The following SKIC3 variants were observed in gnomAD, a reference collection of about 807,000 sequenced individuals.
SKIC3 encodes SKI3 subunit of superkiller complex.
chr5:95,499,786 A>G, the SKIC3 span, among the ~76,000 whole-genome samples: 1 of 152,200 alleles, frequency 6.6e-6, no homozygotes. Context: ...ACTATACTCC[A>G]AACGAGTATT....
At chr5:95,479,774 G>A in the SKIC3 span, among the ~76,000 whole-genome samples, 4 of 151,306 alleles carry the variant, frequency 2.6e-5, no homozygotes, top group African/African-American at 9.7e-5. Context: ...CATCTCCCCC[G>A]CAGATAAGGT....
At chr5:95,468,733 G>T in the SKIC3 span, among the ~76,000 whole-genome samples, 1 of 152,142 alleles carries the variant, frequency 6.6e-6, no homozygotes, top group Non-Finnish European at 1.5e-5. Context: ...TAAGCACGTT[G>T]TTATTTTTCT....
chr5:95,546,902 C>T, the SKIC3 span: 3 of 690,714 alleles, frequency 4.3e-6, no homozygotes, highest in Non-Finnish European at 7.5e-6. Flanking sequence ...GTAGTTTATC[C>T]TGCTAACTAG....
the SKIC3 span, among the ~76,000 whole-genome samples, chr5:95,486,934 C>A: frequency 6.6e-6 from 1 of 152,148 alleles, no homozygotes; most frequent in Non-Finnish European, 1.5e-5. Flanking sequence ...ATGGTTAATA[C>A]TGAGTGTCAA....
chr5:95,492,681 A>AC, the SKIC3 span, among the ~76,000 whole-genome samples: 2 of 140,788 alleles, frequency 1.4e-5, no homozygotes, highest in African/African-American at 2.7e-5. Flanking sequence ...AAAAAAAAAA[A>AC]AAAAAAAACA....
chr5:95,514,751 T>C, the SKIC3 span: 1 of 1,176,754 alleles, frequency 8.5e-7, no homozygotes, highest in African/African-American at 1.5e-5. Flanking sequence ...TGGCACAAAG[T>C]AAGCCCTCAA....
At chr5:95,553,952 C>T in the SKIC3 span, among the ~76,000 whole-genome samples, 1 of 152,242 alleles carries the variant, frequency 6.6e-6, no homozygotes. Flanking sequence ...GCAGACAGAG[C>T]ATTTAGTGAG....
At chr5:95,541,978 T>A in the SKIC3 span, 4 of 912,430 alleles carry the variant, frequency 4.4e-6, no homozygotes, top group Non-Finnish European at 7.1e-6. Context: ...TTTATTTTGC[T>A]AAATAATATG....
At chr5:95,513,432 A>C in the SKIC3 span, 1 of 924,868 alleles carries the variant, frequency 1.1e-6, no homozygotes, top group Non-Finnish European at 1.7e-6. Flanking sequence ...GCCTCAAGCA[A>C]TCCTCCTGCC....
At chr5:95,483,305 C>G in the SKIC3 span, among the ~76,000 whole-genome samples, 1 of 151,844 alleles carries the variant, frequency 6.6e-6, no homozygotes. Context: ...ATTGCTTGTC[C>G]CTCAATAGCA....
chr5:95,514,866 A>G, the SKIC3 span: 5 of 1,612,320 alleles, frequency 3.1e-6, no homozygotes, highest in Non-Finnish European at 4.2e-6. Context: ...TGTCCAATCC[A>G]GCACATTAAA....
the SKIC3 span, chr5:95,517,332 G>T: frequency 6.2e-7 from 1 of 1,610,580 alleles, no homozygotes; most frequent in East Asian, 2.2e-5. Context: ...ACTAAAAAAA[G>T]AAACATTGTG....
chr5:95,537,907 G>GT, the SKIC3 span, among the ~76,000 whole-genome samples: 1 of 152,106 alleles, frequency 6.6e-6, no homozygotes, highest in African/African-American at 2.4e-5. Flanking sequence ...ATGTAAATAA[G>GT]TAAAATTTTG....
the SKIC3 span, among the ~76,000 whole-genome samples, chr5:95,470,883 G>A: frequency 6.6e-6 from 1 of 151,902 alleles, no homozygotes; most frequent in Admixed American, 6.6e-5. Context: ...ATTATGTAAA[G>A]AGAAAAAAAT....
At chr5:95,541,696 A>G in the SKIC3 span, 77 of 296,186 alleles carry the variant, frequency 2.6e-4, no homozygotes, top group Middle Eastern at 9.4e-4. Context: ...CAAATGTTTG[A>G]AAAAAAAAAA....
the SKIC3 span, among the ~76,000 whole-genome samples, chr5:95,490,149 T>C: frequency 1.3e-5 from 2 of 152,088 alleles, no homozygotes; most frequent in Non-Finnish European, 2.9e-5. Context: ...TAAATCTGAT[T>C]AGATTAACAG....
At chr5:95,467,963 A>G in the SKIC3 span, 1 of 1,613,278 alleles carries the variant, frequency 6.2e-7, no homozygotes, top group South Asian at 1.1e-5. Flanking sequence ...CTGATATACC[A>G]CTCTTTCCAA....
At chr5:95,531,509 C>T in the SKIC3 span, among the ~76,000 whole-genome samples, 1 of 152,134 alleles carries the variant, frequency 6.6e-6, no homozygotes, top group South Asian at 2.1e-4. Flanking sequence ...TAGTTCCATA[C>T]ACCCTATACC....
At chr5:95,517,129 C>G in the SKIC3 span, 2 of 1,613,356 alleles carry the variant, frequency 1.2e-6, no homozygotes, top group Non-Finnish European at 1.7e-6. Flanking sequence ...TATTAACTGG[C>G]AATCTTTGCA....
Sources: gnomAD v4.1 joint callset for allele counts (sites outside exome capture counted in the v4.1 genomes callset) on GRCh38, gnomAD v4.1.1 for gene constraint, MANE v1.5 for transcripts, NCBI Gene and HGNC (gene_info 2026-07-23, HGNC 2026-07-21) for gene names.